Variants in WDR86 observed in about 807,000 individuals in gnomAD.
WDR86 encodes WD repeat domain 86.
WDR86 carries 30 observed loss-of-function variants against 36.5 expected under a neutral mutation model. The observed-to-expected ratio is 0.82, with a 90% CI of 0.61 to 1.11. The LOEUF is 1.11. WDR86 is among the 50% of genes most tolerant of loss of function. The pLI, the probability that WDR86 is intolerant of heterozygous loss-of-function variation, is 0.00. For synonymous variants in WDR86, 255 were observed against 252.9 expected, an observed-to-expected ratio of 1.01 and a Z score of -0.08; for missense variants, 545 against 561.2, an observed-to-expected ratio of 0.97 and a Z score of 0.29.
intron 3 of WDR86, among the ~76,000 whole-genome samples, chr7:151,385,608 G>A (rs1334354705): frequency 1.3e-5 from 2 of 152,190 alleles, no homozygotes; most frequent in Non-Finnish European, 2.9e-5. Context: ...TCCAGAGAAG[G>A]GCTTTCACAT....
At chr7:151,376,820 GA>G, downstream of WDR86, 2 of 1,569,068 alleles carry the variant, frequency 1.3e-6, no homozygotes, top group Non-Finnish European at 1.7e-6. Context: ...AGGTAGGTCT[GA>G]GGTCTTTGAG....
In WDR86 at chr7:151,409,420, G is replaced by A. The variant is rs1489958966; in HGVS notation, c.163+7C>T. On this transcript the variant is annotated splice_region_variant and intron_variant, in intron 1 of 5. Coordinates refer to ENST00000334493, the MANE Select transcript of WDR86 (RefSeq NM_198285.3). This position sits in a 1 kb window ranked among gnomAD's most constrained non-coding sequence, Gnocchi z 5.2. ...GAAGAGGTCAGGGAGGGAGTGGGAG[G>A]GTCTACCTTGCAGGAGCGCGCAGCA... 1.9e-6 allele frequency: 3 copies of A among 1,554,866 alleles called. No homozygotes were observed. The South Asian group carries it at 3.5e-5, about 18-fold the overall frequency.
chr7:151,385,747 G>A (rs1350546884), intron 3 of WDR86, among the ~76,000 whole-genome samples: 1 of 152,174 alleles, frequency 6.6e-6, no homozygotes, highest in Non-Finnish European at 1.5e-5. Flanking sequence ...GGGGCTCACA[G>A]TGAGAAGAGG....
intron 1 of WDR86, chr7:151,408,828 A>G (rs373048981): frequency 1.3e-5 from 6 of 456,148 alleles, no homozygotes; most frequent in African/African-American, 8.0e-5. Flanking sequence ...GGTTTACAGC[A>G]ATGAGAGGGC....
At chr7:151,370,790 G>A in the WDR86 span, among the ~76,000 whole-genome samples, 12 of 149,812 alleles carry the variant, frequency 8.0e-5, no homozygotes, top group Admixed American at 3.4e-4. Context: ...GAGAATATGC[G>A]GTGTTTGGTT....
At chr7:151,389,117 C>T (rs1450292866) in intron 3 of WDR86, among the ~76,000 whole-genome samples, 2 of 110,078 alleles carry the variant, frequency 1.8e-5, no homozygotes, top group Non-Finnish European at 1.8e-5. Flanking sequence ...TCTTTTCTTT[C>T]CTTTTTTTTT....
At chr7:151,370,097 CTTT>C in the WDR86 span, among the ~76,000 whole-genome samples, 2 of 144,082 alleles carry the variant, frequency 1.4e-5, no homozygotes, top group African/African-American at 2.5e-5. Context: ...AAGCTGAGTT[CTTT>C]TTTTTTTTTT....
At chr7:151,395,642 T>TCCGTGGCGCTTGCCAGGCCC in intron 3 of WDR86, 134 bp downstream of exon 3, 1 of 1,124,084 alleles carries the variant, frequency 8.9e-7, no homozygotes, top group Non-Finnish European at 1.2e-6. Context: ...CCGCAAGGCC[T>TCCGTGGCGCTTGCCAGGCCC]CCGTGGCGCT....
rs959245122 is a variant in WDR86 at position 151,396,040 on chromosome 7, A to T, written c.462T>A (p.Thr154=). The T allele has an allele frequency of 6.2e-7, 1 of 1,609,834 alleles. No individual in the cohort carries two copies. The highest frequency in any genetic ancestry group is 1.3e-5 in the African/African-American group (1 of 74,880). Reference sequence around the variant, plus strand: ...CGGCCGCGGCCTCCTCCGCGCAGGGAGTGCTGGGGAGGTCCCACGGGGCAG... The same window carrying T: ...CGGCCGCGGCCTCCTCCGCGCAGGGTGTGCTGGGGAGGTCCCACGGGGCAG... ...AYSAPWDLPS[T]PCAEEAAAGG... The change falls in exon 3 of 6, where the codon ACT becomes ACA. Residue 154 remains threonine, a synonymous_variant. Transcript: ENST00000334493.
upstream of WDR86, among the ~76,000 whole-genome samples, chr7:151,410,313 G>A (rs772344231): frequency 6.6e-6 from 1 of 152,156 alleles, no homozygotes; most frequent in Non-Finnish European, 1.5e-5. Flanking sequence ...GGAGAATCGC[G>A]CGCCGGGAAC....
chr7:151,403,168 T>C (rs535767843), intron 1 of WDR86, among the ~76,000 whole-genome samples: 5 of 146,914 alleles, frequency 3.4e-5, no homozygotes, highest in African/African-American at 1.1e-4. Context: ...CAAATTTTGC[T>C]TTTTGGAGCC....
At chr7:151,389,646 G>T (rs994372102) in intron 3 of WDR86, among the ~76,000 whole-genome samples, 6 of 152,256 alleles carry the variant, frequency 3.9e-5, no homozygotes, top group Non-Finnish European at 8.8e-5. Flanking sequence ...GCTCCGCCCT[G>T]CACAGGGCAG....
At chr7:151,407,901 A>G (rs1181682499) in intron 1 of WDR86, among the ~76,000 whole-genome samples, 4 of 152,122 alleles carry the variant, frequency 2.6e-5, no homozygotes, top group African/African-American at 7.2e-5. Context: ...GGACTGCATC[A>G]CTGGAGCCCA....
intron 2 of WDR86, among the ~76,000 whole-genome samples, chr7:151,399,867 G>A (rs1358638812): frequency 2.0e-5 from 3 of 152,238 alleles, no homozygotes; most frequent in Non-Finnish European, 2.9e-5. Context: ...ATCAGGCTCT[G>A]TTCAGTGGAT....
At chr7:151,402,070 A>AAAAATATATATATATATATATAT in intron 1 of WDR86, among the ~76,000 whole-genome samples, 11 of 50,504 alleles carry the variant, frequency 2.2e-4, no homozygotes, top group Middle Eastern at 9.8e-3. Flanking sequence ...AAAAAAAAAA[A>AAAAATATATATATATATATATAT]ATATATATAT....
chr7:151,372,120 G>A (rs912137484), downstream of WDR86, among the ~76,000 whole-genome samples: 1 of 152,238 alleles, frequency 6.6e-6, no homozygotes, highest in African/African-American at 2.4e-5. Context: ...CACAGATCAT[G>A]CTTCGGCATG....
chr7:151,375,285 G>C (rs1001868040), downstream of WDR86, among the ~76,000 whole-genome samples: 1 of 152,104 alleles, frequency 6.6e-6, no homozygotes, highest in African/African-American at 2.4e-5. Context: ...AATATTAAGA[G>C]GTGGGAAATT....
At chr7:151,404,186 A>C (rs2150863073) in intron 1 of WDR86, among the ~76,000 whole-genome samples, 1 of 152,308 alleles carries the variant, frequency 6.6e-6, no homozygotes, top group South Asian at 2.1e-4. Flanking sequence ...ATGTAAATGC[A>C]TACAAATATT....
intron 1 of WDR86, among the ~76,000 whole-genome samples, chr7:151,400,630 G>A (rs1800216965): frequency 6.6e-6 from 1 of 152,170 alleles, no homozygotes; most frequent in African/African-American, 2.4e-5. Flanking sequence ...TGATCTGCCT[G>A]CCTTGGCCTC....
Sources: gnomAD v4.1 joint callset for allele counts (sites outside exome capture counted in the v4.1 genomes callset) on GRCh38, gnomAD v4.1.1 for gene constraint, Gnocchi (gnomAD v3.1) non-coding constraint, MANE v1.5 for transcripts, NCBI Gene and HGNC (gene_info 2026-07-23, HGNC 2026-07-21) for gene names.